The following MAK16 variants were observed in gnomAD, a reference collection of about 807,000 sequenced individuals.
MAK16 encodes protein MAK16 homolog.
MAK16 carries 12 observed loss-of-function variants against 49.9 expected under a neutral mutation model. The observed-to-expected ratio is 0.24, with a 90% CI of 0.15 to 0.39. MAK16 has a LOEUF of 0.39. Ranked by LOEUF, MAK16 falls within the 10% of genes least tolerant of loss-of-function variation. MAK16 has a pLI of 1.00. For missense variants in MAK16, 292 were observed against 363.7 expected, an observed-to-expected ratio of 0.80 and a Z score of 1.60; for synonymous variants, 115 against 126.4, an observed-to-expected ratio of 0.91 and a Z score of 0.60.
Position 33,489,531 on chromosome 8 carries a change from C to T in MAK16, c.392+392C>T, listed in dbSNP as rs564406959. 2.0e-4 allele frequency among the ~76,000 whole-genome samples: 31 copies of T among 152,252 alleles called. 1 individual carries two copies. The highest frequency in any genetic ancestry group is 6.7e-4 in the African/African-American group (28 of 41,554). The stretch of plus-strand genomic sequence containing the variant: ...AGCTAGGATTACAGGCATGGACCAC[C>T]ATGCCTGGTTAATTTTTTTTGTATT... On this transcript the variant is annotated intron_variant, in intron 5 of 9. Coordinates refer to ENST00000360128, the MANE Select transcript of MAK16 (RefSeq NM_032509.4). This position sits in a 1 kb window ranked among gnomAD's most constrained non-coding sequence, Gnocchi z 4.2.
At position 33,488,873 on chromosome 8, in the gene MAK16, T is replaced by A. The variant is rs568648123; in HGVS notation, c.240+75T>A. On this transcript the variant is annotated intron_variant, in intron 4 of 9. Transcript: ENST00000360128. ...CCACATGCTTGACCATGATGCCCAA[T>A]TCCATGACCATTAACTTTTGAGGCC... 5.0e-6 allele frequency: 8 copies of A among 1,597,726 alleles called. 1 individual carries two copies. In the East Asian group the frequency reaches 1.6e-4, roughly 31 times the overall value.
chr8:33,496,135 C>A (rs1333903439), intron 7 of MAK16, among the ~76,000 whole-genome samples: 1 of 152,028 alleles, frequency 6.6e-6, no homozygotes, highest in Admixed American at 6.6e-5. Flanking sequence ...TCCCTTTTTG[C>A]CATTATTCTC....
At chr8:33,497,130 G>A in intron 8 of MAK16, 102 bp from the exon 9 acceptor site, 1 of 878,962 alleles carries the variant, frequency 1.1e-6, no homozygotes, top group Non-Finnish European at 1.8e-6. Flanking sequence ...ATTGCCTAGT[G>A]AAAAGACTGT....
intron 9 of MAK16, among the ~76,000 whole-genome samples, chr8:33,497,764 G>T (rs1808899383): frequency 6.6e-6 from 1 of 151,656 alleles, no homozygotes; most frequent in Non-Finnish European, 1.5e-5. Context: ...AAAGTGCTAA[G>T]ATTAGAGGCA....
rs1032384112 is a variant in MAK16, at chr8:33,498,789, A to G, written c.*160A>G. ...TTATGCCACGTCAGTGGGGCAAGAAATCTGGAGTGAGTGAAGAAAGCTAAG... is the reference window on the plus strand; with the variant it reads ...TTATGCCACGTCAGTGGGGCAAGAAGTCTGGAGTGAGTGAAGAAAGCTAAG... On this transcript the variant is annotated 3_prime_UTR_variant, in exon 10 of 10. Coordinates refer to ENST00000360128, the MANE Select transcript of MAK16 (RefSeq NM_032509.4). The G allele has an allele frequency of 1.3e-5, 9 of 669,270 alleles. No individual in the cohort carries two copies. The highest frequency in any genetic ancestry group is 5.5e-5 in the African/African-American group (3 of 54,850). 41.5% of individuals were successfully genotyped at this position (669,270 alleles called of 1,614,324 possible).
Position 33,498,494 on chromosome 8 carries a change from G to A in MAK16, c.768G>A (p.Glu256=), listed in dbSNP as rs760674635. 4 of 1,614,068 alleles carry A rather than the reference G, an allele frequency of 2.5e-6. No homozygotes were observed. Among genetic ancestry groups the A allele is most frequent in the Non-Finnish European group, 3.4e-6 (4 of 1,180,022 alleles). The change falls in exon 10 of 10, where the codon GAG becomes GAA. Residue 256 remains glutamate, a synonymous_variant. Coordinates refer to ENST00000360128, the MANE Select transcript of MAK16 (RefSeq NM_032509.4). ...AGGATGGTAAATCCTCCAGTGAGGA[G>A]GAGGAAGAAAAGGCCCTTAGTGCGA... ...EDQDGKSSSE[E]EEEKALSAKH... is the part of the protein sequence containing the mutation.
chr8:33,498,598 C>T lies in MAK16; in HGVS notation c.872C>T (p.Thr291Ile). 3.7e-6 allele frequency: 6 copies of T among 1,613,396 alleles called. No individual in the cohort carries two copies. Among genetic ancestry groups the T allele is most frequent in the Non-Finnish European group, 5.1e-6 (6 of 1,179,966 alleles). ...GTGGAAATAGAATACGAGCAGGAGACAGAGCCCGTGGCCAAAGCCAAAACC... is the reference window on the plus strand; with the variant it reads ...GTGGAAATAGAATACGAGCAGGAGATAGAGCCCGTGGCCAAAGCCAAAACC... ...AYVEIEYEQE[T>I]EPVAKAKTT The change falls in exon 10 of 10, where the codon ACA (threonine) becomes ATA (isoleucine). Residue 291 changes from threonine (T) to isoleucine (I), a missense_variant. By Grantham distance (89) the Thr-to-Ile change is moderately conservative. Coordinates refer to ENST00000360128, the MANE Select transcript of MAK16 (RefSeq NM_032509.4).
At chr8:33,490,176 T>C (rs1808754967) in intron 5 of MAK16, 109 bp from the exon 6 acceptor site, 1 of 838,494 alleles carries the variant, frequency 1.2e-6, no homozygotes, top group Non-Finnish European at 1.9e-6. Flanking sequence ...GCCCTGCACA[T>C]GAGTAGACTT....
chr8:33,496,530 A>C lies in MAK16; in HGVS notation c.523-95A>C. The C allele has an allele frequency of 3.5e-6, 3 of 866,256 alleles. No homozygotes were observed. In the Admixed American group the frequency reaches 8.0e-5, roughly 23 times the overall value. 53.7% of individuals were successfully genotyped at this position (866,256 alleles called of 1,614,324 possible). On this transcript the variant is annotated intron_variant, in intron 7 of 9. Coordinates refer to ENST00000360128, the MANE Select transcript of MAK16 (RefSeq NM_032509.4). ...TCATCAAATTAAGTATTCTGATTTA[A>C]TCACTGAGGAAAAAGTAATATTCTC...
intron 6 of MAK16, among the ~76,000 whole-genome samples, chr8:33,493,727 A>AT (rs1808813068): frequency 6.6e-6 from 1 of 152,034 alleles, no homozygotes; most frequent in African/African-American, 2.4e-5. Context: ...GAAGAAATTA[A>AT]TTTTTTCTAT....
intron 6 of MAK16, among the ~76,000 whole-genome samples, chr8:33,492,852 G>GT (rs981013413): frequency 6.6e-4 from 98 of 149,296 alleles, no homozygotes; most frequent in African/African-American, 1.6e-3. Context: ...TTTGTTTTGT[G>GT]TTTTTTTTGT....
chr8:33,491,975 A>G (rs916488961), intron 6 of MAK16, among the ~76,000 whole-genome samples: 16 of 150,156 alleles, frequency 1.1e-4, no homozygotes, highest in African/African-American at 3.9e-4. Context: ...ATTTTTTCCT[A>G]TAGAGTTGTT....
At chr8:33,494,987 C>T (rs959881740) in intron 6 of MAK16, among the ~76,000 whole-genome samples, 3 of 152,174 alleles carry the variant, frequency 2.0e-5, no homozygotes, top group Non-Finnish European at 2.9e-5. Flanking sequence ...ATCATTCTAA[C>T]ATAACTTACA....
Position 33,499,266 on chromosome 8 carries a change from G to T in MAK16, c.*637G>T. ...TGTCTTCACAGCTTTGGGGAATTTT[G>T]GCCAGGAGACCCTGAAACATGAAAC... On this transcript the variant is annotated 3_prime_UTR_variant, in exon 10 of 10. Coordinates refer to ENST00000360128, the MANE Select transcript of MAK16 (RefSeq NM_032509.4). The T allele has an allele frequency of 1.2e-6, 2 of 1,612,892 alleles. No homozygotes were observed. Among genetic ancestry groups the T allele is most frequent in the African/African-American group, 1.3e-5 (1 of 74,712 alleles).
At chr8:33,486,761 G>A (rs187630544) in intron 1 of MAK16, among the ~76,000 whole-genome samples, 43 of 152,278 alleles carry the variant, frequency 2.8e-4, no homozygotes, top group African/African-American at 9.9e-4. Context: ...TTATTGAAGT[G>A]GGGGAACTCT....
intron 6 of MAK16, among the ~76,000 whole-genome samples, chr8:33,490,700 T>G (rs904156620): frequency 1.3e-5 from 2 of 152,206 alleles, no homozygotes; most frequent in Non-Finnish European, 2.9e-5. Context: ...ATTTCTGCAG[T>G]GAAATACAAT....
At position 33,499,588 on chromosome 8, in the gene MAK16, T is replaced by G; in HGVS notation, c.*959T>G. ...TCTAGGGCTTGAAAACTGCCCAAGA[T>G]TAAAGAGCTAAGATGAAATAGTTTG... is the stretch of plus-strand genomic sequence containing the variant. On this transcript the variant is annotated 3_prime_UTR_variant, in exon 10 of 10. Coordinates refer to ENST00000360128, the MANE Select transcript of MAK16 (RefSeq NM_032509.4). 3.7e-6 allele frequency: 1 copy of G among 272,734 alleles called. No homozygotes were observed. Among genetic ancestry groups the G allele is most frequent in the Non-Finnish European group, 7.0e-6 (1 of 142,130 alleles). 16.9% of individuals were successfully genotyped at this position (272,734 alleles called of 1,614,324 possible).
chr8:33,491,131 C>A (rs2128823866), intron 6 of MAK16, among the ~76,000 whole-genome samples: 1 of 152,310 alleles, frequency 6.6e-6, no homozygotes, highest in South Asian at 2.1e-4. Context: ...TTTTTAATGG[C>A]TGGATAGTAC....
intron 7 of MAK16, 41 bp from the exon 8 acceptor site, chr8:33,496,584 T>C (rs746258388): frequency 6.7e-7 from 1 of 1,486,820 alleles, no homozygotes; most frequent in Admixed American, 1.8e-5. Flanking sequence ...AAGTGTAATA[T>C]CCAAATGTAG....
Sources: gnomAD v4.1 joint callset for allele counts (sites outside exome capture counted in the v4.1 genomes callset) on GRCh38, gnomAD v4.1.1 for gene constraint, Gnocchi (gnomAD v3.1) non-coding constraint, MANE v1.5 for transcripts, NCBI Gene and HGNC (gene_info 2026-07-23, HGNC 2026-07-21) for gene names.